Variants in NCR3LG1 observed in about 807,000 individuals in gnomAD.
The protein encoded by NCR3LG1 is natural killer cell cytotoxicity receptor 3 ligand 1, also known as natural cytotoxicity triggering receptor 3 ligand 1.
NCR3LG1 carries 35 observed loss-of-function variants against 34.8 expected under a neutral mutation model. The observed-to-expected ratio is 1.01, with a 90% CI of 0.77 to 1.33. NCR3LG1 has a LOEUF of 1.33. NCR3LG1 is among the 40% of genes most tolerant of loss of function. NCR3LG1 has a pLI of 0.00. For missense variants in NCR3LG1, 452 were observed against 423.3 expected, an observed-to-expected ratio of 1.07 and a Z score of -0.60; for synonymous variants, 173 against 163.6, an observed-to-expected ratio of 1.06 and a Z score of -0.44.
rs1469353683 is a variant in NCR3LG1 at position 17,376,303 on chromosome 11, T to G, written c.*3791T>G. The G allele has an allele frequency of 6.6e-6, 1 of 152,176 alleles. No homozygotes were observed. The highest frequency in any genetic ancestry group is 2.4e-5 in the African/African-American group (1 of 41,430). 9.4% of individuals were successfully genotyped at this position (152,176 alleles called of 1,614,324 possible). A position where few individuals can be genotyped will look rare whatever the true frequency, so the allele number is the denominator to read the frequency against. The stretch of plus-strand genomic sequence containing the variant: ...GTGGTGAGAATACTAATTAGTTAAA[T>G]AATTCCTCACTTTGGGCTCCCTAAG... On this transcript the variant is annotated 3_prime_UTR_variant, in exon 5 of 5. Transcript: ENST00000338965.
intron 2 of NCR3LG1, among the ~76,000 whole-genome samples, chr11:17,364,046 C>A (rs1396586020): frequency 6.6e-6 from 1 of 152,080 alleles, no homozygotes; most frequent in Non-Finnish European, 1.5e-5. Flanking sequence ...ATTATTTATT[C>A]AAATTATTTC....
downstream of NCR3LG1, among the ~76,000 whole-genome samples, chr11:17,378,749 T>C (rs564449521): frequency 3.0e-4 from 45 of 152,200 alleles, no homozygotes; most frequent in African/African-American, 1.0e-3. Context: ...TCGGTAAAAT[T>C]CTTCCAAACA....
intron 2 of NCR3LG1, among the ~76,000 whole-genome samples, chr11:17,360,355 T>C (rs1310417344): frequency 6.6e-6 from 1 of 152,260 alleles, no homozygotes; most frequent in East Asian, 1.9e-4. Context: ...TTCATTCTCT[T>C]AACAATGTCT....
At position 17,372,036 on chromosome 11, in the gene NCR3LG1, C is replaced by T. The variant is rs1045649186; in HGVS notation, c.889C>T (p.Pro297Ser). Residue 297 changes from proline (P) to serine (S), a missense_variant, in exon 5 of 5, where the codon CCT becomes TCT. Coordinates refer to ENST00000338965, the MANE Select transcript of NCR3LG1 (RefSeq NM_001202439.3). ...TAACAAATCATCTTCAGCCTATACT[C>T]CTCTCAAGTGCATTCTGAAACACTG... is the stretch of plus-strand genomic sequence containing the variant. ...ICNKSSSAYT[P>S]LKCILKHWNS... 7 of 702,312 alleles carry T rather than the reference C, an allele frequency of 1.0e-5. No individual in the cohort carries two copies. The highest frequency in any genetic ancestry group is 7.0e-5 in the African/African-American group (4 of 57,216). 43.5% of individuals were successfully genotyped at this position (702,312 alleles called of 1,614,324 possible).
rs1275366600 is a variant in NCR3LG1 at position 17,376,036 on chromosome 11, A to T, written c.*3524A>T. On this transcript the variant is annotated 3_prime_UTR_variant, in exon 5 of 5. Coordinates refer to ENST00000338965, the MANE Select transcript of NCR3LG1 (RefSeq NM_001202439.3). ...CATCCAAAGATTGTTCTCAGGAGAA[A>T]ATCTACTAAAAATGGTCAAATAGGT... 1 of 152,172 alleles carries T rather than the reference A, an allele frequency of 6.6e-6. No individual in the cohort carries two copies. Among genetic ancestry groups the T allele is most frequent in the East Asian group, 1.9e-4 (1 of 5,198 alleles). 9.4% of individuals were successfully genotyped at this position (152,172 alleles called of 1,614,324 possible). A position where few individuals can be genotyped will look rare whatever the true frequency, so the allele number is the denominator to read the frequency against.
At position 17,363,542 on chromosome 11, in the gene NCR3LG1, CCCTT is replaced by C. The variant is rs1227232391; in HGVS notation, c.422-3443_422-3440del. On this transcript the variant is annotated intron_variant, in intron 2 of 4. Coordinates refer to ENST00000338965, the MANE Select transcript of NCR3LG1 (RefSeq NM_001202439.3). ...TCCCTCCCTCCCTCCCTCCCTCCCT[CCCTT>C]CCTTCCTTCCTTCCTTCCTTCCTCT... Among the ~76,000 whole-genome samples, 160 of 54,672 alleles carry C rather than the reference CCCTT, an allele frequency of 2.9e-3. 1 individual carries two copies. Among genetic ancestry groups the C allele is most frequent in the South Asian group, 0.023 (28 of 1,228 alleles). The allele number at this position is 54,672 out of a possible 152,430, so 35.9% of individuals were successfully genotyped here.
intron 2 of NCR3LG1, among the ~76,000 whole-genome samples, chr11:17,360,644 A>C (rs1953260508): frequency 6.7e-6 from 1 of 149,914 alleles, no homozygotes; most frequent in Admixed American, 6.7e-5. Context: ...TTCCAGCATC[A>C]TTTGTTGAAA....
At chr11:17,352,107 C>A in intron 1 of NCR3LG1, 68 bp downstream of exon 1, 1 of 1,109,068 alleles carries the variant, frequency 9.0e-7, no homozygotes, top group South Asian at 1.6e-5. Context: ...GGGTCGGCTC[C>A]CTAGCATCCC....
At chr11:17,363,423 C>T (rs1206770131) in intron 2 of NCR3LG1, among the ~76,000 whole-genome samples, 1 of 151,992 alleles carries the variant, frequency 6.6e-6, no homozygotes, top group Non-Finnish European at 1.5e-5. Context: ...TTGTTTCTGA[C>T]AAGAAGTCCA....
In NCR3LG1 at chr11:17,351,995, C is replaced by T; in HGVS notation, c.26C>T (p.Thr9Met). 7.8e-7 allele frequency: 1 copy of T among 1,275,376 alleles called. No homozygotes were observed. The highest frequency in any genetic ancestry group is 6.3e-5 in the East Asian group (1 of 15,856). 79.0% of individuals were successfully genotyped at this position (1,275,376 alleles called of 1,614,324 possible). A position where few individuals can be genotyped will look rare whatever the true frequency, so the allele number is the denominator to read the frequency against. ...ATGACGTGGAGGGCTGCCGCCTCCA[C>T]GTGCGCGGCGCTCCTGATTCTGCTG... MTWRAAAS[T>M]CAALLILLWA... is the part of the protein sequence containing the mutation. Residue 9 changes from threonine (T) to methionine (M), a missense_variant, in exon 1 of 5, where the codon ACG becomes ATG. Coordinates refer to ENST00000338965, the MANE Select transcript of NCR3LG1 (RefSeq NM_001202439.3).
At chr11:17,370,132 A>G (rs1207178685) in intron 4 of NCR3LG1, among the ~76,000 whole-genome samples, 1 of 152,204 alleles carries the variant, frequency 6.6e-6, no homozygotes, top group Non-Finnish European at 1.5e-5. Flanking sequence ...CACTACGAGG[A>G]TGGGGTGGAG....
downstream of NCR3LG1, among the ~76,000 whole-genome samples, chr11:17,377,863 C>CTA (rs1953491283): frequency 1.3e-5 from 2 of 152,198 alleles, no homozygotes; most frequent in African/African-American, 4.8e-5. Flanking sequence ...AGCGTCTTTT[C>CTA]TAGTGAGTGT....
chr11:17,354,949 A>G (rs1953188257), intron 1 of NCR3LG1, among the ~76,000 whole-genome samples: 1 of 152,176 alleles, frequency 6.6e-6, no homozygotes, highest in Non-Finnish European at 1.5e-5. Flanking sequence ...CATTTATCTA[A>G]ATATAGATGT....
In NCR3LG1 at chr11:17,375,148, A is replaced by C. The variant is rs1451881662; in HGVS notation, c.*2636A>C. ...TGTCCTCTAAAGCGAGTCTCTGGCT[A>C]ACAGACAGCTGCCTCCTCAAGTATC... On this transcript the variant is annotated 3_prime_UTR_variant, in exon 5 of 5. Transcript: ENST00000338965. 2 of 152,222 alleles carry C rather than the reference A, an allele frequency of 1.3e-5. No individual in the cohort carries two copies. Among genetic ancestry groups the C allele is most frequent in the African/African-American group, 4.8e-5 (2 of 41,448 alleles). 9.4% of individuals were successfully genotyped at this position (152,222 alleles called of 1,614,324 possible).
rs993383845 is a variant in NCR3LG1, at chr11:17,351,841, C to T, written c.-129C>T. 4.1e-6 allele frequency: 3 copies of T among 731,560 alleles called. No individual in the cohort carries two copies. The highest frequency in any genetic ancestry group is 1.8e-5 in the African/African-American group (1 of 54,696). The allele number at this position is 731,560 out of a possible 1,614,324, so 45.3% of individuals were successfully genotyped here. On this transcript the variant is annotated 5_prime_UTR_variant, in exon 1 of 5. Transcript: ENST00000338965. ...TCTGAAGAAGTGGGATGTGCAAAAG[C>T]GCCGGCTGGAAATCCCGGCTGTGTC...
At chr11:17,364,593 C>A (rs1425812687) in intron 2 of NCR3LG1, among the ~76,000 whole-genome samples, 1 of 151,554 alleles carries the variant, frequency 6.6e-6, no homozygotes, top group Non-Finnish European at 1.5e-5. Flanking sequence ...GTTGCCCAGT[C>A]TGGAGTGCAG....
chr11:17,356,382 C>T lies in NCR3LG1; in HGVS notation c.71-269C>T, dbSNP rs191697539. Among the ~76,000 whole-genome samples, 730 of 152,094 alleles carry T rather than the reference C, an allele frequency of 4.8e-3. 1 individual carries two copies. The highest frequency in any genetic ancestry group is 7.3e-3 in the Non-Finnish European group (494 of 67,966). ...TCAATCTCCTGACCTCATGACCTGC[C>T]TGCCTGGGCCTCCCAAAGTGCTGGG... On this transcript the variant is annotated intron_variant, in intron 1 of 4. Coordinates refer to ENST00000338965, the MANE Select transcript of NCR3LG1 (RefSeq NM_001202439.3).
Position 17,356,903 on chromosome 11 carries a change from G to C in NCR3LG1, c.323G>C (p.Arg108Pro). ...CTGAAGAGTGGGGACGCCTCACTGC[G>C]GCTGCCTGGAATCCAGCTGGAGGAA... ...WRLKSGDASL[R>P]LPGIQLEEAG... is the part of the protein sequence containing the mutation. The change falls in exon 2 of 5, where the codon CGG becomes CCG. Residue 108 changes from arginine (R) to proline (P), a missense_variant. Physicochemically the swap from Arg to Pro is moderately radical, Grantham distance 103 (BLOSUM62 -2). Coordinates refer to ENST00000338965, the MANE Select transcript of NCR3LG1 (RefSeq NM_001202439.3). 1 of 1,536,140 alleles carries C rather than the reference G, an allele frequency of 6.5e-7. No individual in the cohort carries two copies. Among genetic ancestry groups the C allele is most frequent in the Non-Finnish European group, 8.7e-7 (1 of 1,146,920 alleles).
At chr11:17,358,880 T>C (rs1468809019) in intron 2 of NCR3LG1, among the ~76,000 whole-genome samples, 1 of 152,260 alleles carries the variant, frequency 6.6e-6, no homozygotes, top group African/African-American at 2.4e-5. Context: ...TTGGCTCTTG[T>C]GTCACATTGA....
Sources: allele counts gnomAD v4.1 joint callset (sites outside exome capture counted in the v4.1 genomes callset), GRCh38; gene constraint gnomAD v4.1.1; transcripts MANE v1.5; gene names NCBI Gene and HGNC (gene_info 2026-07-23, HGNC 2026-07-21).